The following LCP2 variants were observed in gnomAD, a reference collection of about 807,000 sequenced individuals.
LCP2 encodes 76 kDa tyrosine phosphoprotein.
In LCP2, 29 loss-of-function variants were observed where a neutral mutation model predicts 74.5. The ratio of observed to expected loss-of-function variants is 0.39; its 90% CI spans 0.29 to 0.53. LCP2 has a LOEUF of 0.53. Ranked by LOEUF, LCP2 falls within the 20% of genes least tolerant of loss-of-function variation. LCP2 has a pLI of 0.72. For synonymous variants in LCP2, 228 were observed against 229.5 expected (o/e 0.99, Z 0.06); for missense variants, 604 against 634.6 (o/e 0.95, Z 0.52).
intron 14 of LCP2, 116 bp downstream of exon 14, chr5:170,260,991 G>T: frequency 1.3e-6 from 1 of 750,600 alleles, no homozygotes; most frequent in Admixed American, 2.0e-5. Flanking sequence ...ACCCCTGGGT[G>T]CAGGACCTGC....
At chr5:170,268,178 G>A (rs932794422) in intron 8 of LCP2, among the ~76,000 whole-genome samples, 2 of 152,128 alleles carry the variant, frequency 1.3e-5, no homozygotes, top group Admixed American at 6.5e-5. Flanking sequence ...ATAGTGGGAA[G>A]TAAATAAAAA....
At chr5:170,252,701 T>A (rs1365740367) in intron 18 of LCP2, 190 bp from the exon 19 acceptor site, 1 of 541,744 alleles carries the variant, frequency 1.8e-6, no homozygotes, top group East Asian at 3.1e-5. Context: ...TGCGAACTGC[T>A]TTTTATCATG....
intron 3 of LCP2, among the ~76,000 whole-genome samples, chr5:170,280,410 T>C: frequency 6.6e-6 from 1 of 151,934 alleles, no homozygotes; most frequent in East Asian, 1.9e-4. Flanking sequence ...AGGAACAAAG[T>C]GTTCTTTCCG....
chr5:170,274,448 G>T, intron 5 of LCP2, 110 bp from the exon 6 acceptor site: 1 of 1,110,226 alleles, frequency 9.0e-7, no homozygotes, highest in Non-Finnish European at 1.3e-6. Context: ...CCCCTTCCCT[G>T]GCCTCCACCT....
At chr5:170,277,604 A>G (rs1762028396) in intron 3 of LCP2, among the ~76,000 whole-genome samples, 1 of 151,826 alleles carries the variant, frequency 6.6e-6, no homozygotes, top group Admixed American at 6.6e-5. Context: ...AAAATTAGTC[A>G]GGCATGGTGC....
At chr5:170,276,473 G>T (rs1762009436) in intron 3 of LCP2, among the ~76,000 whole-genome samples, 1 of 152,132 alleles carries the variant, frequency 6.6e-6, no homozygotes, top group Admixed American at 6.6e-5. Flanking sequence ...TAAAGGCAGG[G>T]GTTGCAGAAT....
intron 1 of LCP2, among the ~76,000 whole-genome samples, chr5:170,296,769 C>T (rs1762393978): frequency 6.6e-6 from 1 of 152,218 alleles, no homozygotes; most frequent in African/African-American, 2.4e-5. Context: ...GAAGATAAGA[C>T]AGCAACGCTC....
At chr5:170,274,398 T>C in intron 5 of LCP2, 60 bp from the exon 6 acceptor site, 1 of 1,552,434 alleles carries the variant, frequency 6.4e-7, no homozygotes, top group Non-Finnish European at 8.8e-7. Flanking sequence ...TGAGGGAAAG[T>C]CAAAGCAGCT....
chr5:170,278,268 T>G (rs987318882), intron 3 of LCP2, among the ~76,000 whole-genome samples: 1 of 138,038 alleles, frequency 7.2e-6, no homozygotes, highest in East Asian at 2.1e-4. Context: ...GAGAGGAAAC[T>G]TTAAGGAGGT....
chr5:170,293,469 C>T, intron 1 of LCP2, 97 bp from the exon 2 acceptor site: 1 of 1,209,260 alleles, frequency 8.3e-7, no homozygotes, highest in Non-Finnish European at 1.2e-6. Context: ...CTTTGCGGTA[C>T]TTGTGGCTAG....
chr5:170,269,101 T>C (rs1221405864), intron 7 of LCP2, among the ~76,000 whole-genome samples: 4 of 152,168 alleles, frequency 2.6e-5, no homozygotes, highest in Admixed American at 6.5e-5. Context: ...TGCTCATCTC[T>C]TCCCATAAAG....
Position 170,274,307 on chromosome 5 carries a change from C to T in LCP2, c.318G>A (p.Ser106=), listed in dbSNP as rs371208606. 29 of 1,613,130 alleles carry T rather than the reference C, an allele frequency of 1.8e-5. No homozygotes were observed. Among genetic ancestry groups the T allele is most frequent in the African/African-American group, 6.7e-5 (5 of 74,908 alleles). The change falls in exon 6 of 21, where the codon TCG becomes TCA. Residue 106 remains serine (S), a synonymous_variant. Coordinates refer to ENST00000046794, the MANE Select transcript of LCP2 (RefSeq NM_005565.5). ...CAGCCCACACCATACTCACAAAGGACGACCAGCCCCCATTGTCCTCTTCGT... is the reference window on the plus strand; with the variant it reads ...CAGCCCACACCATACTCACAAAGGATGACCAGCCCCCATTGTCCTCTTCGT... The part of the protein sequence containing the change: ...ESHEEDNGGW[S]SFEEDDYESP...
Position 170,256,724 on chromosome 5 carries a change from G to T in LCP2, c.1101-149C>A, listed in dbSNP as rs763012096. ...CCAAAACCATGGGGGCTGGGCACAG[G>T]GACAGAACACAGCACACAGGGAATG... On this transcript the variant is annotated intron_variant, in intron 16 of 20. Transcript: ENST00000046794. The surrounding 1 kb of genome is among the most constrained non-coding windows in gnomAD (Gnocchi z 4.5). The T allele has an allele frequency of 1.1e-5, 7 of 666,376 alleles. No homozygotes were observed. The highest frequency in any genetic ancestry group is 1.9e-5 in the Non-Finnish European group (7 of 364,008). 41.3% of individuals were successfully genotyped at this position (666,376 alleles called of 1,614,324 possible).
intron 2 of LCP2, among the ~76,000 whole-genome samples, chr5:170,290,788 G>A (rs1762274657): frequency 6.6e-6 from 1 of 152,146 alleles, no homozygotes; most frequent in Non-Finnish European, 1.5e-5. Flanking sequence ...GCAACATGGG[G>A]TCACATGCCT....
At chr5:170,267,539 C>G (rs975154774) in intron 8 of LCP2, among the ~76,000 whole-genome samples, 1 of 152,102 alleles carries the variant, frequency 6.6e-6, no homozygotes, top group African/African-American at 2.4e-5. Flanking sequence ...TCTCCCGGCT[C>G]TTCCCACAAC....
At chr5:170,277,743 CAA>C (rs371915364) in intron 3 of LCP2, among the ~76,000 whole-genome samples, 7 of 117,686 alleles carry the variant, frequency 5.9e-5, no homozygotes, top group Non-Finnish European at 7.1e-5. Flanking sequence ...AACTTCGTCT[CAA>C]AAAAAAAAAA....
At chr5:170,291,102 AAGGGAAGGGAAAAG>A (rs1561979233) in intron 2 of LCP2, among the ~76,000 whole-genome samples, 1 of 150,224 alleles carries the variant, frequency 6.7e-6, no homozygotes, top group Admixed American at 6.6e-5. Flanking sequence ...CAGGGAAGGA[AAGGGAAGGGAAAAG>A]AGGGAAGGGG....
At chr5:170,293,716 G>A (rs1031101199) in intron 1 of LCP2, among the ~76,000 whole-genome samples, 4 of 152,204 alleles carry the variant, frequency 2.6e-5, no homozygotes, top group African/African-American at 9.7e-5. Flanking sequence ...GCCCAGAGAC[G>A]ACCTCGGTGT....
chr5:170,288,201 T>A (rs917649783), intron 2 of LCP2, among the ~76,000 whole-genome samples, 185 bp from the exon 3 acceptor site: 1 of 126,180 alleles, frequency 7.9e-6, no homozygotes, highest in East Asian at 2.7e-4. Context: ...TAAAAGCCTG[T>A]GGGCCTGCTG....
Sources: gnomAD v4.1 joint callset for allele counts (sites outside exome capture counted in the v4.1 genomes callset) on GRCh38, gnomAD v4.1.1 for gene constraint, Gnocchi (gnomAD v3.1) non-coding constraint, MANE v1.5 for transcripts, NCBI Gene and HGNC (gene_info 2026-07-23, HGNC 2026-07-21) for gene names.